MYOCD: variants seen among roughly 807,000 people sequenced by gnomAD.
The protein encoded by MYOCD is myocardin.
A neutral mutation model predicts 96.1 loss-of-function variants in MYOCD; 32 were observed. That is an observed-to-expected ratio of 0.33 (90% confidence interval 0.25 to 0.45). The LOEUF (loss-of-function observed/expected upper bound fraction) is 0.45. Ranked by LOEUF, MYOCD falls within the 20% of genes least tolerant of loss-of-function variation. The probability of loss-of-function intolerance (pLI) is 1.00; values close to 1 mark genes in which losing one functional copy is unlikely to be tolerated. For missense variants in MYOCD, 1,133 were observed against 1,200.6 expected, an observed-to-expected ratio of 0.94 and a Z score of 0.83; for synonymous variants, 469 against 469.0, an observed-to-expected ratio of 1.00 and a Z score of 0.00.
chr17:12,720,169 A>C (rs1242973681), intron 4 of MYOCD: 2 of 152,066 alleles, frequency 1.3e-5, no homozygotes, highest in African/African-American at 4.8e-5. Flanking sequence ...CCGTATTTGC[A>C]TAATAAAAGA....
In MYOCD at chr17:12,679,074, C is replaced by T. The variant is rs543067789; in HGVS notation, c.55+12831C>T. 4.9e-4 allele frequency among the ~76,000 whole-genome samples: 74 copies of T among 152,284 alleles called. 1 individual carries two copies. Among genetic ancestry groups the T allele is most frequent in the Admixed American group, 3.1e-3 (47 of 15,286 alleles). ...AACTCTCGTCTCGGGGCTTGCAAAA[C>T]CAAATTTACCACATGGTCCCCCAGA... On this transcript the variant is annotated intron_variant, in intron 1 of 13. Coordinates refer to ENST00000425538, the MANE Select transcript of MYOCD (RefSeq NM_001146312.3).
At chr17:12,729,455 G>A (rs568334424) in intron 5 of MYOCD, among the ~76,000 whole-genome samples, 1 of 152,136 alleles carries the variant, frequency 6.6e-6, no homozygotes, top group African/African-American at 2.4e-5. Flanking sequence ...ATTGAGAGGT[G>A]GGCAGGGCAT....
At chr17:12,692,629 G>T (rs1440141517) in intron 1 of MYOCD, among the ~76,000 whole-genome samples, 1 of 152,146 alleles carries the variant, frequency 6.6e-6, no homozygotes, top group Non-Finnish European at 1.5e-5. Context: ...CCAGCAGCGG[G>T]CATGTGGCAG....
intron 1 of MYOCD, chr17:12,704,880 C>A (rs1041133380): frequency 1.4e-5 from 6 of 432,802 alleles, no homozygotes; most frequent in Non-Finnish European, 2.5e-5. Flanking sequence ...GCGAAAATAA[C>A]AATCACTTCA....
intron 1 of MYOCD, among the ~76,000 whole-genome samples, chr17:12,676,075 T>A (rs1910016807): frequency 6.6e-6 from 1 of 151,950 alleles, no homozygotes; most frequent in East Asian, 1.9e-4. Context: ...GACATCCTAA[T>A]AGTGGTGGGG....
At chr17:12,734,425 G>C (rs1984481) in intron 5 of MYOCD, among the ~76,000 whole-genome samples, 81,432 of 150,292 alleles carry the variant, frequency 0.54, 22,104 homozygotes, top group East Asian at 0.69. Flanking sequence ...TTCTAGAGTG[G>C]GGAACACTTA....
chr17:12,746,069 G>T lies in MYOCD; in HGVS notation c.1122G>T (p.Leu374=), dbSNP rs753023598. The change falls in exon 9 of 14, where the codon CTG becomes CTT. Residue 374 remains leucine (L), a synonymous_variant. Transcript: ENST00000425538. ...CACTCCCACCTAACCTGGATGATCT[G>T]AAGGTATAGGATTTGACATGAGTTT... ...PGPLPPNLDD[L]KVSELRQQLR... is the part of the protein sequence containing the mutation. 1 of 1,613,828 alleles carries T rather than the reference G, an allele frequency of 6.2e-7. No individual in the cohort carries two copies. Among genetic ancestry groups the T allele is most frequent in the African/African-American group, 1.3e-5 (1 of 74,896 alleles).
chr17:12,744,097 C>T (rs1037148378), intron 7 of MYOCD, 86 bp from the exon 8 acceptor site: 22 of 1,503,204 alleles, frequency 1.5e-5, no homozygotes, highest in Non-Finnish European at 2.0e-5. Context: ...GGCCATCAGA[C>T]AAAACTGCCT....
At chr17:12,735,798 T>C (rs2032322616) in intron 5 of MYOCD, among the ~76,000 whole-genome samples, 1 of 152,182 alleles carries the variant, frequency 6.6e-6, no homozygotes, top group African/African-American at 2.4e-5. Context: ...GGGCGCATGC[T>C]CCCACCATGT....
At chr17:12,728,242 G>C (rs1213714098) in intron 5 of MYOCD, among the ~76,000 whole-genome samples, 1 of 152,050 alleles carries the variant, frequency 6.6e-6, no homozygotes, top group Non-Finnish European at 1.5e-5. Context: ...TAATTCTCTC[G>C]CTGGTCATCA....
intron 6 of MYOCD, among the ~76,000 whole-genome samples, chr17:12,738,527 A>G (rs745501605): frequency 6.6e-6 from 1 of 152,086 alleles, no homozygotes; most frequent in Non-Finnish European, 1.5e-5. Flanking sequence ...CTGTGTGCAC[A>G]CATGTGCACA....
chr17:12,733,603 C>T (rs2032244179), intron 5 of MYOCD, among the ~76,000 whole-genome samples: 1 of 152,150 alleles, frequency 6.6e-6, no homozygotes, highest in African/African-American at 2.4e-5. Flanking sequence ...TGCAGTGGCT[C>T]ACGCCTGTAA....
intron 1 of MYOCD, among the ~76,000 whole-genome samples, chr17:12,690,072 A>T (rs1326820799): frequency 6.6e-6 from 1 of 152,184 alleles, no homozygotes; most frequent in African/African-American, 2.4e-5. Flanking sequence ...TCATCACAAG[A>T]TTGAAAGGCA....
intron 7 of MYOCD, among the ~76,000 whole-genome samples, chr17:12,740,311 A>G (rs563149284): frequency 1.6e-4 from 24 of 152,208 alleles, no homozygotes; most frequent in East Asian, 5.8e-4. Flanking sequence ...GGAATCTTTT[A>G]TCCCTCACCC....
At chr17:12,744,082 A>C (rs1468482810) in intron 7 of MYOCD, 101 bp from the exon 8 acceptor site, 55 of 1,378,400 alleles carry the variant, frequency 4.0e-5, no homozygotes, top group Non-Finnish European at 7.0e-6. Flanking sequence ...CTGAGATCCA[A>C]GAATGGCCAT....
At chr17:12,668,822 C>A (rs1223613042) in intron 1 of MYOCD, among the ~76,000 whole-genome samples, 1 of 151,968 alleles carries the variant, frequency 6.6e-6, no homozygotes, top group East Asian at 1.9e-4. Context: ...AAGTAGAGAA[C>A]TTCGAAAATG....
chr17:12,713,460 T>G (rs575337318), intron 2 of MYOCD, among the ~76,000 whole-genome samples: 2 of 152,354 alleles, frequency 1.3e-5, no homozygotes, highest in Non-Finnish European at 2.9e-5. Context: ...CAAGATCTAT[T>G]CATGCTAATC....
chr17:12,734,972 TTCCC>T (rs1488118763), intron 5 of MYOCD, among the ~76,000 whole-genome samples: 5 of 152,198 alleles, frequency 3.3e-5, no homozygotes, highest in Non-Finnish European at 5.9e-5. Flanking sequence ...TGACTGGAGT[TTCCC>T]CCTGCCCTGT....
At chr17:12,719,057 C>G (rs2031734401) in intron 4 of MYOCD, among the ~76,000 whole-genome samples, 1 of 151,290 alleles carries the variant, frequency 6.6e-6, no homozygotes. Context: ...CGCCTGTAGT[C>G]CCAGCTACTC....
Sources: gnomAD v4.1 joint callset for allele counts (sites outside exome capture counted in the v4.1 genomes callset) on GRCh38, gnomAD v4.1.1 for gene constraint, MANE v1.5 for transcripts, NCBI Gene and HGNC (gene_info 2026-07-23, HGNC 2026-07-21) for gene names.